Variants in GET4 observed in about 807,000 individuals in gnomAD.
GET4 encodes Golgi to ER traffic protein 4 homolog.
Under a neutral mutation model 40.0 loss-of-function variants are expected in GET4, and 20 were observed. The observed-to-expected ratio is 0.50, with a 90% CI of 0.35 to 0.73. GET4 has a LOEUF of 0.73. Among genes scored for constraint, GET4 ranks in the 30% least tolerant of loss-of-function variants. The probability of loss-of-function intolerance (pLI) is 0.01; values close to 1 mark genes in which losing one functional copy is unlikely to be tolerated. For missense variants in GET4, 557 were observed against 454.0 expected (o/e 1.23, Z -2.06); for synonymous variants, 280 against 194.6 (o/e 1.44, Z -3.65).
intron 2 of GET4, 30 bp from the exon 3 acceptor site, chr7:886,539 T>C (rs1231162041): frequency 6.4e-7 from 1 of 1,555,108 alleles, no homozygotes; most frequent in East Asian, 2.2e-5. Flanking sequence ...GGCTTTGTTC[T>C]TGATTCTTGT....
intron 1 of GET4, chr7:881,071 G>A (rs1314867183): frequency 6.6e-6 from 1 of 152,090 alleles, no homozygotes; most frequent in Non-Finnish European, 1.5e-5. Context: ...CACCTTGTTG[G>A]CCAGGCTGGT....
At position 887,481 on chromosome 7, in the gene GET4, C is replaced by T. The variant is rs147234929; in HGVS notation, c.428C>T (p.Pro143Leu). 2 of 1,576,434 alleles carry T rather than the reference C, an allele frequency of 1.3e-6. No individual in the cohort carries two copies. The highest frequency in any genetic ancestry group is 3.7e-5 in the Admixed American group (2 of 54,676). The change falls in exon 4 of 9, where the codon CCC becomes CTC. Residue 143 changes from proline to leucine, a missense_variant. Pro to Leu is a moderately conservative substitution (Grantham distance 98). Coordinates refer to ENST00000265857, the MANE Select transcript of GET4 (RefSeq NM_015949.3). ...SSGGSGKLGH[P>L]RLHQLLALTL... ...GGGGGCTCCGGGAAGCTGGGCCACCCCCGGCTGCACCAGCTGCTGGCCCTC... is the reference window on the plus strand; with the variant it reads ...GGGGGCTCCGGGAAGCTGGGCCACCTCCGGCTGCACCAGCTGCTGGCCCTC...
chr7:880,371 A>G (rs907607131), intron 1 of GET4: 3 of 152,226 alleles, frequency 2.0e-5, no homozygotes, highest in South Asian at 2.1e-4. Context: ...CCAGTGATTA[A>G]CCAGCAAAAA....
intron 1 of GET4, chr7:883,639 C>G: frequency 1.0e-6 from 1 of 985,488 alleles, no homozygotes; most frequent in Non-Finnish European, 1.2e-6. Flanking sequence ...TCTGGGTGTC[C>G]ACATGGCACG....
At chr7:886,521 C>A in intron 2 of GET4, 48 bp from the exon 3 acceptor site, 1 of 1,387,892 alleles carries the variant, frequency 7.2e-7, no homozygotes, top group Non-Finnish European at 1.0e-6. Context: ...CTGTCCTGAA[C>A]AGGTCAGGGC....
intron 4 of GET4, 93 bp from the exon 5 acceptor site, chr7:890,835 T>G: frequency 1.9e-6 from 2 of 1,046,524 alleles, no homozygotes; most frequent in Non-Finnish European, 3.0e-6. Flanking sequence ...GGCGGGCAGG[T>G]GGGCTAGAAT....
chr7:895,597 C>T lies in GET4; in HGVS notation c.*175C>T, dbSNP rs112784786. On this transcript the variant is annotated 3_prime_UTR_variant, in exon 9 of 9. Transcript: ENST00000265857. ...CTCAGGGTGGCGCGGCTGCTGCTCACTGTGCTGCTGGGACCCAAGAGTGGG... is the reference window on the plus strand; with the variant it reads ...CTCAGGGTGGCGCGGCTGCTGCTCATTGTGCTGCTGGGACCCAAGAGTGGG... 6 of 472,744 alleles carry T rather than the reference C, an allele frequency of 1.3e-5. No individual in the cohort carries two copies. Among genetic ancestry groups the T allele is most frequent in the Non-Finnish European group, 2.3e-5 (6 of 263,420 alleles). 29.3% of individuals were successfully genotyped at this position (472,744 alleles called of 1,614,324 possible).
rs755096512 is a variant in GET4, at chr7:892,146, G to T, written c.606-132G>T. ...AGGGAAGACACGCGTGAAGCACTGG[G>T]TCCCTCCATGGCCTTGGGCCGCAGG... On this transcript the variant is annotated intron_variant, in intron 5 of 8. Coordinates refer to ENST00000265857, the MANE Select transcript of GET4 (RefSeq NM_015949.3). The T allele has an allele frequency of 9.8e-5, 79 of 803,996 alleles. 1 individual carries two copies. The highest frequency in any genetic ancestry group is 1.5e-4 in the Non-Finnish European group (76 of 491,908). 49.8% of individuals were successfully genotyped at this position (803,996 alleles called of 1,614,324 possible). A position where few individuals can be genotyped will look rare whatever the true frequency, so the allele number is the denominator to read the frequency against.
chr7:887,667 G>A (rs932503386), intron 4 of GET4, 148 bp downstream of exon 4: 12 of 549,614 alleles, frequency 2.2e-5, no homozygotes, highest in South Asian at 1.1e-4. Flanking sequence ...AGACCCATGC[G>A]CCATGCTAAG....
intron 1 of GET4, among the ~76,000 whole-genome samples, chr7:878,768 A>T (rs1294155470): frequency 6.6e-6 from 1 of 151,882 alleles, no homozygotes; most frequent in Non-Finnish European, 1.5e-5. Context: ...TTTACTAGAG[A>T]CGGGGTTTCA....
intron 2 of GET4, 72 bp downstream of exon 2, chr7:886,206 A>C (rs1585493934): frequency 1.0e-6 from 1 of 963,808 alleles, no homozygotes; most frequent in Non-Finnish European, 1.7e-6. Flanking sequence ...ATGACCTCCC[A>C]CCTCCACTGA....
In GET4 at chr7:887,529, G is replaced by C; in HGVS notation, c.466+10G>C. On this transcript the variant is annotated intron_variant, in intron 4 of 8. Transcript: ENST00000265857. ...CTCACCCTGTGGAAAGGTAGGCCTG[G>C]GGCCAGGGCAGGCGTGGGCACCTCT... 1.3e-6 allele frequency: 2 copies of C among 1,520,356 alleles called. No individual in the cohort carries two copies. Among genetic ancestry groups the C allele is most frequent in the Non-Finnish European group, 1.8e-6 (2 of 1,135,510 alleles). The allele number at this position is 1,520,356 out of a possible 1,614,324, so 94.2% of individuals were successfully genotyped here.
intron 6 of GET4, among the ~76,000 whole-genome samples, chr7:892,815 A>G (rs977888680): frequency 6.8e-6 from 1 of 146,286 alleles, no homozygotes; most frequent in African/African-American, 2.6e-5. Flanking sequence ...GCAGGTGTAG[A>G]CGGCGTATGT....
At chr7:892,967 T>C (rs1404637302) in intron 6 of GET4, among the ~76,000 whole-genome samples, 1 of 149,980 alleles carries the variant, frequency 6.7e-6, no homozygotes, top group Non-Finnish European at 1.5e-5. Flanking sequence ...TGTGCAGGTG[T>C]TGGGTGTTTG....
intron 1 of GET4, chr7:878,190 G>A: frequency 2.2e-6 from 1 of 462,348 alleles, no homozygotes; most frequent in East Asian, 7.0e-5. Flanking sequence ...TGGCTATGCT[G>A]GGTTAACTGC....
intron 1 of GET4, chr7:878,434 C>T: frequency 2.2e-6 from 1 of 465,094 alleles, no homozygotes; most frequent in Non-Finnish European, 4.5e-6. Context: ...AAGATCATTT[C>T]AGAGGATTTA....
chr7:891,075 C>T lies in GET4; in HGVS notation c.605+9C>T. 3 of 1,580,642 alleles carry T rather than the reference C, an allele frequency of 1.9e-6. No individual in the cohort carries two copies. Among genetic ancestry groups the T allele is most frequent in the Non-Finnish European group, 2.6e-6 (3 of 1,159,424 alleles). ...GCCCAGGCCGTGCTACAGTAGGTGT[C>T]TGTGGCTCTTCGGGTCTCGGCTTCC... On this transcript the variant is annotated intron_variant, in intron 5 of 8. Coordinates refer to ENST00000265857, the MANE Select transcript of GET4 (RefSeq NM_015949.3).
At chr7:881,981 C>T (rs940282935) in intron 1 of GET4, 3 of 152,226 alleles carry the variant, frequency 2.0e-5, no homozygotes, top group Non-Finnish European at 2.9e-5. Context: ...CCAGCTCCAT[C>T]CAAGTTCCTG....
At chr7:880,129 G>T (rs888036660) in intron 1 of GET4, 1 of 152,268 alleles carries the variant, frequency 6.6e-6, no homozygotes, top group Non-Finnish European at 1.5e-5. Flanking sequence ...ATCACCTGAG[G>T]TTGGGAGTTC....
Sources: allele counts gnomAD v4.1 joint callset (sites outside exome capture counted in the v4.1 genomes callset), GRCh38; gene constraint gnomAD v4.1.1; transcripts MANE v1.5; gene names NCBI Gene and HGNC (gene_info 2026-07-23, HGNC 2026-07-21).